The following WSCD1 variants were observed in gnomAD, a reference collection of about 807,000 sequenced individuals.
WSCD1 encodes the protein sialate:O-sulfotransferase 1.
A neutral mutation model predicts 60.4 loss-of-function variants in WSCD1; 41 were observed. The observed-to-expected ratio is 0.68, with a 90% CI of 0.53 to 0.88. WSCD1 has a LOEUF of 0.88. Ranked by LOEUF, WSCD1 falls within the 40% of genes least tolerant of loss-of-function variation. The pLI, the probability that WSCD1 is intolerant of heterozygous loss-of-function variation, is 0.00. For missense variants in WSCD1, 784 were observed against 796.2 expected (o/e 0.98, Z 0.18); for synonymous variants, 361 against 332.5 (o/e 1.09, Z -0.93).
chr17:6,106,596 T>C (rs1244072742), intron 5 of WSCD1, among the ~76,000 whole-genome samples: 1 of 152,288 alleles, frequency 6.6e-6, no homozygotes, highest in East Asian at 1.9e-4. Flanking sequence ...GTGGTTGCTC[T>C]GGGGAGGGAA....
chr17:6,098,146 G>T (rs995632903), intron 5 of WSCD1, among the ~76,000 whole-genome samples: 1 of 124,760 alleles, frequency 8.0e-6, no homozygotes, highest in Non-Finnish European at 1.7e-5. Flanking sequence ...GCAGAGACAG[G>T]GGGGCGGGGT....
chr17:6,116,299 C>G (rs993495911), intron 7 of WSCD1, among the ~76,000 whole-genome samples: 2 of 152,138 alleles, frequency 1.3e-5, no homozygotes, highest in South Asian at 2.1e-4. Context: ...GAGGTTGGGT[C>G]GACACTGCCT....
At chr17:6,119,868 C>G (rs572937587) in intron 8 of WSCD1, among the ~76,000 whole-genome samples, 1 of 152,112 alleles carries the variant, frequency 6.6e-6, no homozygotes, top group Non-Finnish European at 1.5e-5. Context: ...ACACCCCTCC[C>G]CCAAAATTAA....
rs769471892 is a variant in WSCD1, at chr17:6,080,965, C to T, written c.307C>T (p.Arg103Trp). 7.1e-6 allele frequency: 11 copies of T among 1,554,878 alleles called. No homozygotes were observed. The Admixed American group carries it at 1.2e-4, about 16-fold the overall frequency. ...GCCCCGGCCCGGCCCCCGCTGGCTC[C>T]GGAGCCGCAACTCGGAGCTGCGTCA... Reference protein sequence around the residue: ...TRPRPGPRWLRSRNSELRQLR... With the variant: ...TRPRPGPRWLWSRNSELRQLR... The change falls in exon 2 of 9, where the codon CGG (arginine) becomes TGG (tryptophan). Residue 103 changes from arginine (R) to tryptophan (W), a missense_variant. Physicochemically the swap from Arg to Trp is moderately radical, Grantham distance 101 (BLOSUM62 -3). Transcript: ENST00000317744. The surrounding 1 kb of genome is among the most constrained non-coding windows in gnomAD (Gnocchi z 6.6).
At position 6,117,999 on chromosome 17, in the gene WSCD1, G is replaced by A. The variant is rs769801984; in HGVS notation, c.1186G>A (p.Glu396Lys). ...ATTTTTCCCTGCAGGGTTCAAGGGC[G>A]AAAAGGACCACTGGCGGAGCCGACG... is the stretch of plus-strand genomic sequence containing the variant. ...GTLYNKGFKG[E>K]KDHWRSRRTI... Residue 396 changes from glutamate to lysine, a missense_variant, in exon 8 of 9, where the codon GAA becomes AAA. Physicochemically the swap from Glu to Lys is moderately conservative, Grantham distance 56 (BLOSUM62 1). Transcript: ENST00000317744. 8 of 1,613,624 alleles carry A rather than the reference G, an allele frequency of 5.0e-6. No homozygotes were observed. The highest frequency in any genetic ancestry group is 2.2e-5 in the South Asian group (2 of 91,048).
intron 5 of WSCD1, among the ~76,000 whole-genome samples, chr17:6,096,320 A>G (rs373812032): frequency 7.1e-4 from 108 of 152,208 alleles, no homozygotes; most frequent in Non-Finnish European, 1.3e-3. Flanking sequence ...GTGGACTTCA[A>G]TGACAGCAGA....
intron 4 of WSCD1, among the ~76,000 whole-genome samples, chr17:6,092,474 T>G (rs1910122856): frequency 1.3e-5 from 2 of 152,026 alleles, no homozygotes; most frequent in Admixed American, 1.3e-4. Flanking sequence ...AGCTGACAGG[T>G]TCACTAGTGA....
chr17:6,107,719 G>A (rs1370565116), intron 5 of WSCD1, among the ~76,000 whole-genome samples: 1 of 151,210 alleles, frequency 6.6e-6, no homozygotes, highest in African/African-American at 2.4e-5. Context: ...GGTGTGGAAT[G>A]AGGTGGGATG....
Position 6,070,474 on chromosome 17 carries a change from G to T in WSCD1, c.-467G>T, listed in dbSNP as rs1483943709. 1 of 147,146 alleles carries T rather than the reference G, an allele frequency of 6.8e-6. No homozygotes were observed. The highest frequency in any genetic ancestry group is 1.5e-5 in the Non-Finnish European group (1 of 65,958). 9.1% of individuals were successfully genotyped at this position (147,146 alleles called of 1,614,324 possible). ...TCAGCCCGGACGCCAGCAGCCCCGG[G>T]GAGCCAGGCGGCGGCGCCCTGTGCC... On this transcript the variant is annotated 5_prime_UTR_variant, in exon 1 of 9. Transcript: ENST00000317744.
rs891269426 is a variant in WSCD1, at chr17:6,123,932, A to G, written c.*3271A>G. 2.6e-5 allele frequency: 4 copies of G among 152,204 alleles called. No homozygotes were observed. Among genetic ancestry groups the G allele is most frequent in the African/African-American group, 9.6e-5 (4 of 41,456 alleles). The allele number at this position is 152,204 out of a possible 1,614,324, so 9.4% of individuals were successfully genotyped here. The stretch of plus-strand genomic sequence containing the variant: ...AGTTTCCCATCCATAAAATGGGGGA[A>G]GTGGTAGGTCTTGCTGATTGCATCC... On this transcript the variant is annotated 3_prime_UTR_variant, in exon 9 of 9. Transcript: ENST00000317744.
chr17:6,073,749 C>T (rs1234769218), intron 1 of WSCD1, among the ~76,000 whole-genome samples: 5 of 152,364 alleles, frequency 3.3e-5, no homozygotes, highest in East Asian at 1.9e-4. Context: ...ATGCCGGCCC[C>T]GGCGCTGGTG....
intron 7 of WSCD1, among the ~76,000 whole-genome samples, 198 bp downstream of exon 7, chr17:6,111,133 A>C (rs1321218981): frequency 6.6e-6 from 1 of 152,128 alleles, no homozygotes; most frequent in Non-Finnish European, 1.5e-5. Context: ...GTCCCCATCC[A>C]CAACAAAGTT....
intron 2 of WSCD1, among the ~76,000 whole-genome samples, 172 bp from the exon 3 acceptor site, chr17:6,087,818 A>G (rs1201605265): frequency 6.6e-6 from 1 of 152,270 alleles, no homozygotes; most frequent in Non-Finnish European, 1.5e-5. Context: ...GGGAGGTGTC[A>G]GATGCTCACT....
rs1181738718 is a variant in WSCD1 at position 6,090,360 on chromosome 17, T to C, written c.582T>C (p.Cys194=). ...CCGGCTTGGAGGCCGGGGCGGAGTG[T>C]TACTGCGGGAACCGGCTGCCAGCGG... ...VYAGLEAGAE[C]YCGNRLPAVS... Residue 194 remains cysteine, a synonymous_variant, in exon 4 of 9, where the codon TGT becomes TGC. Transcript: ENST00000317744. The C allele has an allele frequency of 6.2e-7, 1 of 1,608,818 alleles. No individual in the cohort carries two copies. Among genetic ancestry groups the C allele is most frequent in the African/African-American group, 1.3e-5 (1 of 74,542 alleles).
At position 6,120,322 on chromosome 17, in the gene WSCD1, T is replaced by G. The variant is rs1238537806; in HGVS notation, c.1389T>G (p.Phe463Leu). ...TCCTCACTCTAGAGTGGCCGGACTT[T>G]GTCAACAGCTACGCCTCGTGGTGGT... ...RNWKSKEWPD[F>L]VNSYASWWSS... Residue 463 changes from phenylalanine (F) to leucine (L), a missense_variant, in exon 9 of 9, where the codon TTT (phenylalanine) becomes TTG (leucine). Physicochemically the swap from Phe to Leu is conservative, Grantham distance 22 (BLOSUM62 0). Coordinates refer to ENST00000317744, the MANE Select transcript of WSCD1 (RefSeq NM_015253.2). The G allele has an allele frequency of 1.2e-6, 2 of 1,613,682 alleles. No homozygotes were observed. Among genetic ancestry groups the G allele is most frequent in the Non-Finnish European group, 1.7e-6 (2 of 1,179,742 alleles).
chr17:6,099,469 C>T (rs1449022490), intron 5 of WSCD1, among the ~76,000 whole-genome samples: 1 of 150,798 alleles, frequency 6.6e-6, no homozygotes, highest in Admixed American at 6.6e-5. Context: ...GAGCCGAGAT[C>T]ACACCACCGC....
At chr17:6,069,806 CGTGT>C (rs1484036949), upstream of WSCD1, among the ~76,000 whole-genome samples, 2 of 109,252 alleles carry the variant, frequency 1.8e-5, no homozygotes, top group Admixed American at 1.9e-4. Context: ...TGTGTGCGTG[CGTGT>C]GTGGTGTGTG....
chr17:6,107,703 G>T (rs377000777), intron 5 of WSCD1, among the ~76,000 whole-genome samples: 2 of 152,126 alleles, frequency 1.3e-5, no homozygotes, highest in African/African-American at 4.8e-5. Context: ...CTGTGATGAA[G>T]GTGTTGGTGT....
intron 5 of WSCD1, among the ~76,000 whole-genome samples, chr17:6,096,296 T>C (rs1035157141): frequency 7.9e-5 from 12 of 152,058 alleles, no homozygotes; most frequent in African/African-American, 1.7e-4. Flanking sequence ...TGCTGTGGGT[T>C]GAAGGGTGCA....
Sources: gnomAD v4.1 joint callset for allele counts (sites outside exome capture counted in the v4.1 genomes callset) on GRCh38, gnomAD v4.1.1 for gene constraint, Gnocchi (gnomAD v3.1) non-coding constraint, MANE v1.5 for transcripts, NCBI Gene and HGNC (gene_info 2026-07-23, HGNC 2026-07-21) for gene names.